CDH12: variants seen among roughly 807,000 people sequenced by gnomAD.
The protein encoded by CDH12 is cadherin-12.
Under a neutral mutation model 74.1 loss-of-function variants are expected in CDH12, and 41 were observed. The observed-to-expected ratio is 0.55, with a 90% CI of 0.43 to 0.72. The LOEUF is 0.72. Among genes scored for constraint, CDH12 ranks in the 30% least tolerant of loss-of-function variants. The pLI is 0.00. For synonymous variants in CDH12, 399 were observed against 355.0 expected (o/e 1.12, Z -1.39); for missense variants, 945 against 977.2 (o/e 0.97, Z 0.44).
intron 3 of CDH12, among the ~76,000 whole-genome samples, chr5:22,335,993 C>G (rs2197340): frequency 2.0e-5 from 3 of 151,992 alleles, no homozygotes; most frequent in African/African-American, 2.4e-5. Context: ...GACCAAAAGC[C>G]TGACAGCAAC....
chr5:22,533,791 T>G (rs887856776), intron 1 of CDH12, among the ~76,000 whole-genome samples: 2 of 152,138 alleles, frequency 1.3e-5, no homozygotes, highest in African/African-American at 4.8e-5. Context: ...AAAAACTAAA[T>G]GAAAGCTTTA....
At chr5:22,214,216 G>T (rs1336061658) in intron 3 of CDH12, among the ~76,000 whole-genome samples, 1 of 152,112 alleles carries the variant, frequency 6.6e-6, no homozygotes, top group Non-Finnish European at 1.5e-5. Context: ...TCTGAAAACG[G>T]AGACGGCCCT....
intron 3 of CDH12, among the ~76,000 whole-genome samples, chr5:22,222,675 A>G (rs1752060804): frequency 1.3e-5 from 2 of 151,994 alleles, no homozygotes; most frequent in African/African-American, 2.4e-5. Flanking sequence ...ATCTTCATTT[A>G]TAATTAAAGC....
chr5:22,197,243 G>T (rs929695136), intron 4 of CDH12, among the ~76,000 whole-genome samples: 1 of 151,992 alleles, frequency 6.6e-6, no homozygotes. Context: ...AGGAGATCGA[G>T]TCCATCCTGG....
rs1384673734 is a variant in CDH12, at chr5:22,595,416, G to C, written c.-522-90052C>G. Among the ~76,000 whole-genome samples, 6 of 152,070 alleles carry C rather than the reference G, an allele frequency of 3.9e-5. No individual in the cohort carries two copies. In the East Asian group the frequency reaches 1.2e-3, roughly 29 times the overall value. Reference sequence around the variant, plus strand: ...CAATAACTATTCTATTACAAAAATTGATATGCAAGGTCATGATATGCCTGA... The same window carrying C: ...CAATAACTATTCTATTACAAAAATTCATATGCAAGGTCATGATATGCCTGA... On this transcript the variant is annotated intron_variant, in intron 1 of 14. Transcript: ENST00000382254.
intron 3 of CDH12, among the ~76,000 whole-genome samples, chr5:22,395,831 G>A (rs574590179): frequency 6.6e-6 from 1 of 152,224 alleles, no homozygotes; most frequent in South Asian, 2.1e-4. Flanking sequence ...GCCTGCCCTG[G>A]AGGACTTCTG....
intron 4 of CDH12, among the ~76,000 whole-genome samples, chr5:22,175,779 A>T (rs1444373441): frequency 6.6e-6 from 1 of 152,082 alleles, no homozygotes; most frequent in Non-Finnish European, 1.5e-5. Flanking sequence ...CTGATGGCTC[A>T]TCTCCTCCAC....
chr5:22,451,597 T>A (rs1445305594), intron 2 of CDH12, among the ~76,000 whole-genome samples: 1 of 151,916 alleles, frequency 6.6e-6, no homozygotes, highest in African/African-American at 2.4e-5. Context: ...GACAAAACCA[T>A]AGTTATCATC....
intron 6 of CDH12, among the ~76,000 whole-genome samples, chr5:21,891,899 G>A (rs1752916039): frequency 6.6e-6 from 1 of 152,002 alleles, no homozygotes; most frequent in African/African-American, 2.4e-5. Context: ...ACAAAACAGA[G>A]AAAGATAAGA....
intron 1 of CDH12, among the ~76,000 whole-genome samples, chr5:22,819,385 A>G (rs1045695943): frequency 6.6e-6 from 1 of 152,124 alleles, no homozygotes; most frequent in Non-Finnish European, 1.5e-5. Flanking sequence ...GAAAAGAAAT[A>G]TATCTTAAAT....
At chr5:22,210,714 A>G (rs1417683401) in intron 4 of CDH12, among the ~76,000 whole-genome samples, 4 of 151,968 alleles carry the variant, frequency 2.6e-5, no homozygotes, top group African/African-American at 9.7e-5. Context: ...GTCTGATGCC[A>G]CCATCAATTC....
intron 5 of CDH12, among the ~76,000 whole-genome samples, chr5:22,059,994 G>A (rs1196226540): frequency 6.6e-6 from 1 of 152,010 alleles, no homozygotes; most frequent in Non-Finnish European, 1.5e-5. Context: ...TATCAAGAAG[G>A]TAATTTGTAG....
intron 1 of CDH12, among the ~76,000 whole-genome samples, chr5:22,683,918 G>A (rs570014982): frequency 1.3e-5 from 2 of 152,318 alleles, no homozygotes; most frequent in South Asian, 4.1e-4. Flanking sequence ...CATGAGGAAT[G>A]TATAGAATCA....
chr5:22,584,110 ATTAT>A (rs893457392), intron 1 of CDH12, among the ~76,000 whole-genome samples: 3 of 131,194 alleles, frequency 2.3e-5, no homozygotes, highest in African/African-American at 8.8e-5. Context: ...TTATTTATTT[ATTAT>A]TTTTGAGACG....
At chr5:22,169,473 C>A (rs934208876) in intron 4 of CDH12, among the ~76,000 whole-genome samples, 3 of 151,918 alleles carry the variant, frequency 2.0e-5, no homozygotes, top group African/African-American at 7.2e-5. Context: ...CTAGTTAGAC[C>A]TCTGACTTTG....
In CDH12 at chr5:22,113,250, TG is replaced by T. The variant is rs201763151; in HGVS notation, c.-186-34389del. ...AATCGCCCTTCAAAGTTGTCCTTTG[TG>T]GGGGAAAAATTTACATCTGTAAAGA... On this transcript the variant is annotated intron_variant, in intron 4 of 14. Coordinates refer to ENST00000382254, the MANE Select transcript of CDH12 (RefSeq NM_004061.5). Among the ~76,000 whole-genome samples, 15 of 152,220 alleles carry T rather than the reference TG, an allele frequency of 9.9e-5. No homozygotes were observed. In the East Asian group the frequency reaches 2.9e-3, roughly 29 times the overall value.
intron 3 of CDH12, among the ~76,000 whole-genome samples, chr5:22,310,761 A>G (rs1000246756): frequency 6.6e-6 from 1 of 152,138 alleles, no homozygotes; most frequent in African/African-American, 2.4e-5. Flanking sequence ...ACAAGGTTTA[A>G]TCTTAGTCAT....
intron 2 of CDH12, among the ~76,000 whole-genome samples, chr5:22,453,914 A>G (rs1307989878): frequency 1.3e-5 from 2 of 152,108 alleles, no homozygotes; most frequent in Non-Finnish European, 2.9e-5. Context: ...ATTAGTTATT[A>G]CAGTTTTCAT....
At chr5:22,063,740 G>A (rs1389533125) in intron 5 of CDH12, among the ~76,000 whole-genome samples, 1 of 151,452 alleles carries the variant, frequency 6.6e-6, no homozygotes, top group Non-Finnish European at 1.5e-5. Flanking sequence ...CATTTAAATT[G>A]GCGGACTTTG....
Sources: allele counts gnomAD v4.1 joint callset (sites outside exome capture counted in the v4.1 genomes callset), GRCh38; gene constraint gnomAD v4.1.1; transcripts MANE v1.5; gene names NCBI Gene and HGNC (gene_info 2026-07-23, HGNC 2026-07-21).